UGT3A1: variants seen among roughly 807,000 people sequenced by gnomAD.
UGT3A1 encodes the protein UDP-glycosyltransferase 3A1.
A neutral mutation model predicts 37.6 loss-of-function variants in UGT3A1; 40 were observed. That is an observed-to-expected ratio of 1.06 (90% CI 0.83 to 1.38). UGT3A1 has a LOEUF of 1.38. UGT3A1 is among the 40% of genes most tolerant of loss of function. The probability of loss-of-function intolerance (pLI) is 0.00; values close to 1 mark genes in which losing one functional copy is unlikely to be tolerated. For missense variants in UGT3A1, 642 were observed against 634.2 expected (o/e 1.01, Z -0.13); for synonymous variants, 256 against 232.3 (o/e 1.10, Z -0.93).
chr5:35,982,530 T>C (rs1740568348), intron 2 of UGT3A1, among the ~76,000 whole-genome samples: 3 of 152,212 alleles, frequency 2.0e-5, no homozygotes, highest in African/African-American at 7.2e-5. Flanking sequence ...ATTTCTCCCA[T>C]TTGGAATGGG....
intron 4 of UGT3A1, chr5:35,961,758 T>C (rs1371090000): frequency 6.6e-6 from 1 of 152,218 alleles, no homozygotes; most frequent in Non-Finnish European, 1.5e-5. Flanking sequence ...CCAGGGCCCA[T>C]TTCTGCAACT....
chr5:35,975,399 G>C lies in UGT3A1; in HGVS notation c.197-7266C>G, dbSNP rs145948341. On this transcript the variant is annotated intron_variant, in intron 2 of 6. Transcript: ENST00000274278. ...ATTGGACCAATTCCATTATGAAAGA[G>C]ATAGAGCTTTATTCTTACTCAAAAA... Among the ~76,000 whole-genome samples the C allele has an allele frequency of 4.9e-3, 745 of 152,306 alleles. 9 individuals carry two copies. Among genetic ancestry groups the C allele is most frequent in the African/African-American group, 0.017 (719 of 41,574 alleles).
chr5:35,974,706 A>G (rs754039717), intron 2 of UGT3A1, among the ~76,000 whole-genome samples: 3 of 152,242 alleles, frequency 2.0e-5, no homozygotes, highest in Non-Finnish European at 4.4e-5. Context: ...CTGATATGCA[A>G]CTATTGATCT....
chr5:35,999,855 T>C (rs1293748903), intron 1 of UGT3A1, among the ~76,000 whole-genome samples: 1 of 152,204 alleles, frequency 6.6e-6, no homozygotes, highest in Non-Finnish European at 1.5e-5. Flanking sequence ...ATGGTCTGCA[T>C]GTTTTTCCAT....
chr5:35,956,829 G>A (rs1739373163), intron 5 of UGT3A1, among the ~76,000 whole-genome samples: 1 of 152,210 alleles, frequency 6.6e-6, no homozygotes, highest in Admixed American at 6.5e-5. Context: ...CATACTCCCA[G>A]ATATATGCTC....
intron 1 of UGT3A1, among the ~76,000 whole-genome samples, chr5:35,989,110 C>T (rs191424273): frequency 6.2e-4 from 94 of 152,272 alleles, no homozygotes; most frequent in Admixed American, 9.8e-4. Context: ...CTACTTAGAG[C>T]CCAAATCTTT....
In UGT3A1 at chr5:35,985,170, A is replaced by T. The variant is rs533211030; in HGVS notation, c.196+3280T>A. Among the ~76,000 whole-genome samples the T allele has an allele frequency of 1.1e-4, 16 of 151,810 alleles. 1 individual carries two copies. In the East Asian group the frequency reaches 2.3e-3, roughly 22 times the overall value. ...ATTTAACAAAAGATGTAAAAGATAT[A>T]TATGGAAAACTATAAAACTCCACTG... On this transcript the variant is annotated intron_variant, in intron 2 of 6. Coordinates refer to ENST00000274278, the MANE Select transcript of UGT3A1 (RefSeq NM_152404.4).
intron 2 of UGT3A1, among the ~76,000 whole-genome samples, chr5:35,971,595 G>A (rs1267429177): frequency 6.6e-6 from 1 of 152,010 alleles, no homozygotes; most frequent in African/African-American, 2.4e-5. Flanking sequence ...AGGGTCTGTG[G>A]TATTTGAATG....
chr5:35,953,125 T>C lies in UGT3A1; in HGVS notation c.*1077A>G, dbSNP rs909754918. The stretch of plus-strand genomic sequence containing the variant: ...GTTTTATTACAGTGGAATTTCATTT[T>C]ATTTCAGAACTCTAAAGCAAATAAA... On this transcript the variant is annotated 3_prime_UTR_variant, in exon 7 of 7. Transcript: ENST00000274278. 3.3e-4 allele frequency: 50 copies of C among 152,360 alleles called. 1 individual carries two copies. The highest frequency in any genetic ancestry group is 3.3e-3 in the Admixed American group (50 of 15,282). 9.4% of individuals were successfully genotyped at this position (152,360 alleles called of 1,614,324 possible). A position where few individuals can be genotyped will look rare whatever the true frequency, so the allele number is the denominator to read the frequency against.
intron 4 of UGT3A1, 128 bp from the exon 5 acceptor site, chr5:35,957,547 A>G: frequency 1.4e-6 from 1 of 738,130 alleles, no homozygotes; most frequent in South Asian, 1.8e-5. Context: ...TCCCGAAGCT[A>G]TTATTATGGC....
intron 2 of UGT3A1, among the ~76,000 whole-genome samples, chr5:35,986,376 G>C (rs1740729760): frequency 6.6e-6 from 1 of 152,092 alleles, no homozygotes; most frequent in Non-Finnish European, 1.5e-5. Flanking sequence ...TCATTCCCAT[G>C]TTTATTGCAG....
upstream of UGT3A1, among the ~76,000 whole-genome samples, chr5:35,993,592 C>A (rs1483879862): frequency 6.6e-6 from 1 of 152,176 alleles, no homozygotes; most frequent in Non-Finnish European, 1.5e-5. Context: ...TTAGAACCCT[C>A]AAAGTCATCT....
chr5:35,973,932 TAAAAG>T (rs1164711167), intron 2 of UGT3A1, among the ~76,000 whole-genome samples: 1 of 152,144 alleles, frequency 6.6e-6, no homozygotes, highest in African/African-American at 2.4e-5. Context: ...ATGGCATCCC[TAAAAG>T]AAAAGAAGAT....
At chr5:35,986,159 G>T (rs899679020) in intron 2 of UGT3A1, among the ~76,000 whole-genome samples, 3 of 151,890 alleles carry the variant, frequency 2.0e-5, no homozygotes, top group Non-Finnish European at 4.4e-5. Context: ...AGTTAAAATG[G>T]CTTTTATCTG....
At chr5:35,962,892 T>C in intron 4 of UGT3A1, 1 of 702,870 alleles carries the variant, frequency 1.4e-6, no homozygotes, top group Admixed American at 2.0e-5. Context: ...ATCTCAGTGG[T>C]TCAGGATACA....
At chr5:35,963,355 C>T (rs2149957808) in intron 4 of UGT3A1, among the ~76,000 whole-genome samples, 1 of 152,220 alleles carries the variant, frequency 6.6e-6, no homozygotes, top group South Asian at 2.1e-4. Context: ...AGGCCCTCAG[C>T]CTGAAACCTG....
chr5:35,972,935 A>G (rs1031175359), intron 2 of UGT3A1, among the ~76,000 whole-genome samples: 3 of 152,138 alleles, frequency 2.0e-5, no homozygotes, highest in Non-Finnish European at 4.4e-5. Context: ...GTTTGTGAAA[A>G]TCAAACCCAG....
In UGT3A1 at chr5:35,954,383, T is replaced by C. The variant is rs1739272511; in HGVS notation, c.1391A>G (p.Gln464Arg). Residue 464 changes from glutamine to arginine, a missense_variant, in exon 7 of 7, where the codon CAG (glutamine) becomes CGG (arginine). Transcript: ENST00000274278. ...CTTGAGGTGCGTCGCTCCCCCAGTC[T>C]GGAGGATGTGGTCGATCCAGCCCAC... Reference protein sequence around the residue: ...RLVGWIDHILQTGGATHLKPY... With the variant: ...RLVGWIDHILRTGGATHLKPY... 1 of 1,614,184 alleles carries C rather than the reference T, an allele frequency of 6.2e-7. No individual in the cohort carries two copies.
Position 35,951,391 on chromosome 5 carries a change from C to G in UGT3A1, c.*2811G>C, listed in dbSNP as rs898523926. The G allele has an allele frequency of 6.6e-6, 1 of 152,116 alleles. No individual in the cohort carries two copies. The highest frequency in any genetic ancestry group is 1.5e-5 in the Non-Finnish European group (1 of 67,986). The allele number at this position is 152,116 out of a possible 1,614,324, so 9.4% of individuals were successfully genotyped here. A position where few individuals can be genotyped will look rare whatever the true frequency, so the allele number is the denominator to read the frequency against. ...TTTTTCATTATCCCCCATACACATA[C>G]TTTCCTTTTTCTTATAAAAAAAAGG... On this transcript the variant is annotated 3_prime_UTR_variant, in exon 7 of 7. Transcript: ENST00000274278.
Sources: gnomAD v4.1 joint callset for allele counts (sites outside exome capture counted in the v4.1 genomes callset) on GRCh38, gnomAD v4.1.1 for gene constraint, MANE v1.5 for transcripts, NCBI Gene and HGNC (gene_info 2026-07-23, HGNC 2026-07-21) for gene names.